Variants in ENOX2 observed in about 807,000 individuals in gnomAD.
ENOX2 encodes APK1 antigen.
Under a neutral mutation model 45.0 loss-of-function variants are expected in ENOX2, and 36 were observed. The ratio of observed to expected loss-of-function variants is 0.80; its 90% CI spans 0.61 to 1.06. The LOEUF is 1.06. Ranked by LOEUF, ENOX2 falls within the 50% of genes least tolerant of loss-of-function variation. The probability of loss-of-function intolerance (pLI) is 0.00; values close to 1 mark genes in which losing one functional copy is unlikely to be tolerated. For missense variants in ENOX2, 423 were observed against 462.5 expected (o/e 0.91, Z 0.78); for synonymous variants, 174 against 152.3 (o/e 1.14, Z -1.05).
intron 4 of ENOX2, among the ~76,000 whole-genome samples, chrX:130,692,143 T>C (rs1452710426): frequency 8.8e-6 from 1 of 113,164 alleles, no homozygotes; most frequent in Non-Finnish European, 1.9e-5. Context: ...ATTTCTTTTG[T>C]TTATCTTTAA....
At chrX:130,811,746 A>G (rs1465375397) in intron 2 of ENOX2, among the ~76,000 whole-genome samples, 1 of 112,831 alleles carries the variant, frequency 8.9e-6, no homozygotes, top group Non-Finnish European at 1.9e-5. Flanking sequence ...TGTCTGACAA[A>G]TAAGTCAAAT....
intron 10 of ENOX2, among the ~76,000 whole-genome samples, chrX:130,655,967 C>A (rs1406118247): frequency 1.8e-5 from 2 of 111,718 alleles, no homozygotes; most frequent in Non-Finnish European, 3.8e-5. Context: ...GTACTCCTTA[C>A]AAGTGTGGAA....
At chrX:130,741,166 C>T (rs2038972784) in intron 3 of ENOX2, among the ~76,000 whole-genome samples, 1 of 111,962 alleles carries the variant, frequency 8.9e-6, no homozygotes. Context: ...TTCAGAAAAC[C>T]ATGATGGCCA....
At chrX:130,750,366 A>T (rs2039190444) in intron 3 of ENOX2, among the ~76,000 whole-genome samples, 1 of 108,451 alleles carries the variant, frequency 9.2e-6, no homozygotes, top group African/African-American at 3.4e-5. Context: ...TGTGTTACCC[A>T]TCTGTCTGTC....
chrX:130,680,286 C>T (rs1194868492), intron 5 of ENOX2, among the ~76,000 whole-genome samples: 1 of 111,851 alleles, frequency 8.9e-6, no homozygotes, highest in African/African-American at 3.2e-5. Context: ...TTTGGTTTCA[C>T]AAAATCAGTC....
chrX:130,733,990 A>T (rs1018442148), intron 3 of ENOX2, among the ~76,000 whole-genome samples: 6 of 112,456 alleles, frequency 5.3e-5, no homozygotes, highest in Non-Finnish European at 1.1e-4. Flanking sequence ...AAAAAGGAAA[A>T]GAAAAAAGAT....
chrX:130,799,098 G>T (rs932559306), intron 2 of ENOX2, among the ~76,000 whole-genome samples: 2 of 111,546 alleles, frequency 1.8e-5, no homozygotes, highest in Non-Finnish European at 1.9e-5. Context: ...TGAGTTAGTG[G>T]ACTGGGAGAG....
At chrX:130,869,910 A>T (rs1292716298) in intron 2 of ENOX2, among the ~76,000 whole-genome samples, 1 of 112,365 alleles carries the variant, frequency 8.9e-6, no homozygotes, top group Non-Finnish European at 1.9e-5. Flanking sequence ...ACAGCATAAC[A>T]GTGGCTTACC....
intron 3 of ENOX2, among the ~76,000 whole-genome samples, chrX:130,725,128 A>C (rs2038574792): frequency 9.0e-6 from 1 of 111,299 alleles, no homozygotes; most frequent in African/African-American, 3.3e-5. Flanking sequence ...AGAAATATTA[A>C]CATACTCCCC....
intron 3 of ENOX2, among the ~76,000 whole-genome samples, chrX:130,753,784 T>C (rs1011056000): frequency 1.8e-5 from 2 of 111,913 alleles, no homozygotes; most frequent in Admixed American, 9.5e-5. Flanking sequence ...TTTGGTTCTA[T>C]ATCTTAGCTA....
intron 3 of ENOX2, among the ~76,000 whole-genome samples, chrX:130,733,816 G>A (rs2038797783): frequency 8.9e-6 from 1 of 111,954 alleles, no homozygotes; most frequent in African/African-American, 3.2e-5. Context: ...AAACGGAATT[G>A]TTCTGCGTCT....
In ENOX2 at chrX:130,653,398, A is replaced by T. The variant is rs941488315; in HGVS notation, c.1129+3183T>A. 2.7e-5 allele frequency among the ~76,000 whole-genome samples: 3 copies of T among 112,209 alleles called. No homozygotes were observed. The East Asian group carries it at 8.4e-4, about 31-fold the overall frequency. On this transcript the variant is annotated intron_variant, in intron 10 of 14. Transcript: ENST00000394363. Reference sequence around the variant, plus strand: ...CATATTGCTTACTATGCGAAATCTAAGGTTGGCATACATAGCCCTCCATAA... The same window carrying T: ...CATATTGCTTACTATGCGAAATCTATGGTTGGCATACATAGCCCTCCATAA...
intron 3 of ENOX2, among the ~76,000 whole-genome samples, chrX:130,752,239 C>A (rs1399403497): frequency 9.1e-6 from 1 of 109,430 alleles, no homozygotes; most frequent in Non-Finnish European, 1.9e-5. Flanking sequence ...GCATGTGACT[C>A]CCTCTTTTTC....
At chrX:130,749,324 C>T (rs1326160115) in intron 3 of ENOX2, among the ~76,000 whole-genome samples, 2 of 111,475 alleles carry the variant, frequency 1.8e-5, no homozygotes, top group Admixed American at 9.5e-5. Flanking sequence ...TATATGAATT[C>T]TAAACTATGA....
chrX:130,737,565 T>C (rs1348122799), intron 3 of ENOX2, among the ~76,000 whole-genome samples: 1 of 112,448 alleles, frequency 8.9e-6, no homozygotes, highest in Non-Finnish European at 1.9e-5. Flanking sequence ...TCACATTTAA[T>C]GTTCTGGCCA....
At chrX:130,809,090 C>A (rs1259454173) in intron 2 of ENOX2, among the ~76,000 whole-genome samples, 1 of 112,156 alleles carries the variant, frequency 8.9e-6, no homozygotes, top group African/African-American at 3.2e-5. Flanking sequence ...GAAATAGTGA[C>A]AAAGGTGACA....
intron 5 of ENOX2, among the ~76,000 whole-genome samples, chrX:130,688,006 C>A (rs778093898): frequency 1.8e-5 from 2 of 112,006 alleles, no homozygotes; most frequent in Non-Finnish European, 3.8e-5. Context: ...CCCTAAACCA[C>A]TGAATGTATC....
In ENOX2 at chrX:130,717,195, G is replaced by A. The variant is rs774579879; in HGVS notation, c.-38-13941C>T. 8.4e-4 allele frequency among the ~76,000 whole-genome samples: 94 copies of A among 112,171 alleles called. 2 individuals are homozygous for A. The highest frequency in any genetic ancestry group is 1.4e-3 in the Non-Finnish European group (76 of 53,268). On this transcript the variant is annotated intron_variant, in intron 3 of 14. Transcript: ENST00000394363. ...TCCTGACAGCCTGTGCTTACAGTGT[G>A]ACTAGATTGGCCAGAGAGAAACCAA...
intron 2 of ENOX2, among the ~76,000 whole-genome samples, chrX:130,832,727 C>T (rs2077858435): frequency 2.7e-5 from 3 of 110,519 alleles, no homozygotes; most frequent in South Asian, 7.8e-4. Context: ...AAATACTGTC[C>T]ATGATATTTT....
Sources: allele counts gnomAD v4.1 joint callset (sites outside exome capture counted in the v4.1 genomes callset), GRCh38; gene constraint gnomAD v4.1.1; transcripts MANE v1.5; gene names NCBI Gene and HGNC (gene_info 2026-07-23, HGNC 2026-07-21).